MPDZ: variants seen among roughly 807,000 people sequenced by gnomAD.
MPDZ encodes multiple PDZ domain crumbs cell polarity complex component.
MPDZ carries 234 observed loss-of-function variants against 239.1 expected under a neutral mutation model. The observed-to-expected ratio is 0.98, with a 90% confidence interval of 0.88 to 1.09. The LOEUF is 1.09. Among genes scored for constraint, MPDZ ranks in the 50% least tolerant of loss-of-function variants. MPDZ has a pLI of 0.00. For synonymous variants in MPDZ, 1,048 were observed against 881.3 expected, an observed-to-expected ratio of 1.19 and a Z score of -3.35; for missense variants, 3,175 against 2,510.0, an observed-to-expected ratio of 1.26 and a Z score of -5.66.
chr9:13,136,325 C>CTTTTTTTTTTTTTTTTTTTTTTT lies in MPDZ; in HGVS notation c.4293-166_4293-144dup, dbSNP rs869272418. 79 of 156,698 alleles carry CTTTTTTTTTTTTTTTTTTTTTTT rather than the reference C, an allele frequency of 5.0e-4. 5 individuals carry two copies. Among genetic ancestry groups the CTTTTTTTTTTTTTTTTTTTTTTT allele is most frequent in the Middle Eastern group, 2.5e-3 (1 of 398 alleles). 9.7% of individuals were successfully genotyped at this position (156,698 alleles called of 1,614,324 possible). On this transcript the variant is annotated intron_variant, in intron 30 of 46. Transcript: ENST00000319217. The stretch of plus-strand genomic sequence containing the variant: ...ACACTTACAAATTTACAAACGTTTT[C>CTTTTTTTTTTTTTTTTTTTTTTT]TTTTTTTTTTTTTTTTTTTTTTTTG...
At chr9:13,210,601 T>C (rs543702365) in intron 10 of MPDZ, among the ~76,000 whole-genome samples, 2 of 152,124 alleles carry the variant, frequency 1.3e-5, no homozygotes, top group East Asian at 3.9e-4. Flanking sequence ...CAGAGGAAAC[T>C]TCTGTTATGT....
chr9:13,224,975 C>G (rs918181020), intron 3 of MPDZ, among the ~76,000 whole-genome samples: 2 of 152,082 alleles, frequency 1.3e-5, no homozygotes, highest in Admixed American at 1.3e-4. Context: ...AGGTATCTTT[C>G]TTCTTCATGG....
intron 22 of MPDZ, among the ~76,000 whole-genome samples, chr9:13,167,297 A>T (rs1951193727): frequency 6.6e-6 from 1 of 152,152 alleles, no homozygotes; most frequent in South Asian, 2.1e-4. Flanking sequence ...TGATCTGATG[A>T]TCTGTTCAAC....
At chr9:13,147,083 A>C (rs1374528984) in intron 26 of MPDZ, among the ~76,000 whole-genome samples, 1 of 152,006 alleles carries the variant, frequency 6.6e-6, no homozygotes, top group Non-Finnish European at 1.5e-5. Context: ...GTTCAGTGGG[A>C]TACACAAATA....
intron 1 of MPDZ, among the ~76,000 whole-genome samples, chr9:13,278,659 G>A (rs1409419222): frequency 6.6e-6 from 1 of 152,190 alleles, no homozygotes; most frequent in East Asian, 1.9e-4. Context: ...CGCGGGGGGT[G>A]AGGAGACTAA....
intron 24 of MPDZ, among the ~76,000 whole-genome samples, chr9:13,154,357 T>A (rs1949563849): frequency 6.6e-6 from 1 of 151,790 alleles, no homozygotes. Flanking sequence ...CCTATTTGAG[T>A]TTTATACATA....
intron 22 of MPDZ, among the ~76,000 whole-genome samples, chr9:13,168,070 T>C (rs1007346127): frequency 1.3e-5 from 2 of 152,116 alleles, no homozygotes; most frequent in African/African-American, 4.8e-5. Flanking sequence ...AAGTGGGCCC[T>C]CTTGCTCTGT....
intron 1 of MPDZ, among the ~76,000 whole-genome samples, chr9:13,260,328 A>G (rs888723646): frequency 1.1e-4 from 17 of 152,166 alleles, no homozygotes; most frequent in Non-Finnish European, 7.4e-5. Context: ...GATTAAGATT[A>G]GTTAAGAGAT....
chr9:13,113,122 T>C (rs1942776807), intron 41 of MPDZ, 68 bp from the exon 42 acceptor site: 3 of 1,404,544 alleles, frequency 2.1e-6, no homozygotes, highest in Non-Finnish European at 2.9e-6. Context: ...CGTTAAAATA[T>C]CTAAAGCTGG....
At chr9:13,165,512 G>A in intron 22 of MPDZ, 2 of 1,396,976 alleles carry the variant, frequency 1.4e-6, no homozygotes, top group Non-Finnish European at 1.9e-6. Context: ...TTAAAAGTGG[G>A]TGCTCCTGGT....
At position 13,110,717 on chromosome 9, in the gene MPDZ, G is replaced by C; in HGVS notation, c.5748C>G (p.Ile1916Met). Residue 1916 changes from isoleucine to methionine, a missense_variant, in exon 44 of 47, where the codon ATC becomes ATG. Physicochemically the swap from Ile to Met is conservative, Grantham distance 10. Transcript: ENST00000319217. ...KLRVGDRIVT[I>M]CGTSTEGMTH... ...TCATGCCCTCAGTGGATGTGCCACA[G>C]ATGGTGACAATCCTATCCCCAACCT... The C allele has an allele frequency of 6.2e-7, 1 of 1,613,408 alleles. No homozygotes were observed. The highest frequency in any genetic ancestry group is 8.5e-7 in the Non-Finnish European group (1 of 1,179,652).
chr9:13,186,464 T>C, intron 17 of MPDZ, 78 bp from the exon 18 acceptor site: 1 of 1,043,334 alleles, frequency 9.6e-7, no homozygotes, highest in South Asian at 1.4e-5. Context: ...AGAGTAAAGG[T>C]AGGAAAAGTG....
intron 21 of MPDZ, among the ~76,000 whole-genome samples, chr9:13,170,837 G>A (rs553776736): frequency 2.4e-4 from 36 of 152,284 alleles, no homozygotes; most frequent in Non-Finnish European, 4.0e-4. Flanking sequence ...AGTTAGCTGA[G>A]CTTATACTTT....
In MPDZ at chr9:13,127,030, T is replaced by G. The variant is rs536410995; in HGVS notation, c.4465-258A>C. Among the ~76,000 whole-genome samples the G allele has an allele frequency of 5.9e-5, 9 of 152,362 alleles. No individual in the cohort carries two copies. The East Asian group carries it at 1.7e-3, about 29-fold the overall frequency. On this transcript the variant is annotated intron_variant, in intron 32 of 46. Transcript: ENST00000319217. ...ATATGTCTGACATCTTTAGTAACTTTAGCAAAATATCTAGACAGCAAAAAT... is the reference window on the plus strand; with the variant it reads ...ATATGTCTGACATCTTTAGTAACTTGAGCAAAATATCTAGACAGCAAAAAT...
In MPDZ at chr9:13,140,202, T is replaced by A. The variant is rs1015303440; in HGVS notation, c.3841-53A>T. 1.6e-5 allele frequency: 25 copies of A among 1,548,654 alleles called. No homozygotes were observed. In the South Asian group the frequency reaches 2.9e-4, roughly 18 times the overall value. ...TTTGTACAGTCTAAGGAAGAAAACT[T>A]CAAGAAGAAGAAATAAGAGTATACT... On this transcript the variant is annotated intron_variant, in intron 27 of 46. Coordinates refer to ENST00000319217, the MANE Select transcript of MPDZ (RefSeq NM_001378778.1).
At chr9:13,190,579 G>C (rs2134970379) in intron 15 of MPDZ, among the ~76,000 whole-genome samples, 1 of 152,252 alleles carries the variant, frequency 6.6e-6, no homozygotes, top group South Asian at 2.1e-4. Context: ...GATTGTGCGT[G>C]ACTGTCACTT....
At chr9:13,127,621 G>A (rs1945316156) in intron 32 of MPDZ, among the ~76,000 whole-genome samples, 1 of 152,192 alleles carries the variant, frequency 6.6e-6, no homozygotes, top group Admixed American at 6.5e-5. Flanking sequence ...TGTGCCATCA[G>A]AGATGTTTAT....
intron 31 of MPDZ, chr9:13,134,862 C>T (rs1339823603): frequency 6.6e-6 from 1 of 152,256 alleles, no homozygotes; most frequent in Non-Finnish European, 1.5e-5. Flanking sequence ...TTGAAGGACA[C>T]TCTTCTCCGC....
chr9:13,215,758 T>TTG (rs1958229541), intron 10 of MPDZ, among the ~76,000 whole-genome samples: 1 of 134,084 alleles, frequency 7.5e-6, no homozygotes, highest in Admixed American at 7.6e-5. Context: ...TGCAGGTTTT[T>TTG]TTTTTTTTTT....
Sources: gnomAD v4.1 joint callset for allele counts (sites outside exome capture counted in the v4.1 genomes callset) on GRCh38, gnomAD v4.1.1 for gene constraint, MANE v1.5 for transcripts, NCBI Gene and HGNC (gene_info 2026-07-23, HGNC 2026-07-21) for gene names.